The following PLD5 variants were observed in gnomAD, a reference collection of about 807,000 sequenced individuals.
PLD5 encodes inactive phospholipase D5.
Under a neutral mutation model 61.1 loss-of-function variants are expected in PLD5, and 36 were observed. The observed-to-expected ratio is 0.59, with a 90% CI of 0.45 to 0.78. The LOEUF is 0.78. Ranked by LOEUF, PLD5 falls within the 30% of genes least tolerant of loss-of-function variation. The probability of loss-of-function intolerance (pLI) is 0.00; values close to 1 mark genes in which losing one functional copy is unlikely to be tolerated. For missense variants in PLD5, 515 were observed against 644.4 expected (o/e 0.80, Z 2.17); for synonymous variants, 243 against 242.8 (o/e 1.00, Z -0.01).
intron 1 of PLD5, among the ~76,000 whole-genome samples, chr1:242,479,452 T>C (rs1476072089): frequency 6.6e-6 from 1 of 152,202 alleles, no homozygotes. Context: ...ATACATGATT[T>C]AGGATAATCT....
At chr1:242,186,879 C>A (rs1378969669) in intron 5 of PLD5, among the ~76,000 whole-genome samples, 1 of 152,164 alleles carries the variant, frequency 6.6e-6, no homozygotes. Context: ...AATAAGCAAA[C>A]AAACACCTCA....
chr1:242,454,901 T>C (rs1199358873), intron 1 of PLD5, among the ~76,000 whole-genome samples: 1 of 152,222 alleles, frequency 6.6e-6, no homozygotes, highest in African/African-American at 2.4e-5. Flanking sequence ...GGACCATCTA[T>C]TTCTTTTCTT....
At chr1:242,110,909 A>G (rs1661434863) in intron 7 of PLD5, among the ~76,000 whole-genome samples, 1 of 152,220 alleles carries the variant, frequency 6.6e-6, no homozygotes, top group African/African-American at 2.4e-5. Context: ...ATTCCTTTAC[A>G]CATTTACTAA....
intron 1 of PLD5, among the ~76,000 whole-genome samples, chr1:242,363,801 A>G (rs1156621290): frequency 6.6e-6 from 1 of 152,224 alleles, no homozygotes; most frequent in African/African-American, 2.4e-5. Context: ...ATATAAAAAA[A>G]GACACACATC....
chr1:242,163,635 CCATT>C (rs1252817062), intron 5 of PLD5, among the ~76,000 whole-genome samples: 21 of 152,172 alleles, frequency 1.4e-4, no homozygotes, highest in Admixed American at 1.4e-3. Context: ...TCACTGCTGT[CCATT>C]CATTCTATCT....
At chr1:242,331,678 A>G (rs1436862742) in intron 2 of PLD5, among the ~76,000 whole-genome samples, 2 of 152,232 alleles carry the variant, frequency 1.3e-5, no homozygotes, top group African/African-American at 4.8e-5. Context: ...TGATTCACAC[A>G]TAAATTGAGT....
chr1:242,169,705 C>T (rs568264909), intron 5 of PLD5, among the ~76,000 whole-genome samples: 115 of 150,004 alleles, frequency 7.7e-4, no homozygotes, highest in African/African-American at 2.8e-3. Flanking sequence ...GCCAGCACAG[C>T]AGCAGTCTGA....
In PLD5 at chr1:242,178,974, G is replaced by A. The variant is rs150471401; in HGVS notation, c.735+41014C>T. On this transcript the variant is annotated intron_variant, in intron 5 of 9. Transcript: ENST00000536534. ...GAAATTACCCAGGGAACACGTAGAC[G>A]GTTGCCAAGGGGGAGCTGAATATTC... Among the ~76,000 whole-genome samples the A allele has an allele frequency of 9.8e-4, 150 of 152,302 alleles. 1 individual carries two copies. The highest frequency in any genetic ancestry group is 3.3e-3 in the African/African-American group (137 of 41,572).
intron 5 of PLD5, among the ~76,000 whole-genome samples, chr1:242,186,531 T>C (rs1358507248): frequency 6.6e-6 from 1 of 152,124 alleles, no homozygotes; most frequent in Non-Finnish European, 1.5e-5. Context: ...AAAAAAGGTA[T>C]AGTCACTGGC....
At chr1:242,115,103 G>A (rs928241150) in intron 6 of PLD5, among the ~76,000 whole-genome samples, 7 of 152,008 alleles carry the variant, frequency 4.6e-5, no homozygotes, top group Non-Finnish European at 8.8e-5. Context: ...GCTTGAACCC[G>A]GGAGGCAGAG....
intron 8 of PLD5, among the ~76,000 whole-genome samples, chr1:242,101,794 C>T (rs1395730078): frequency 1.3e-5 from 2 of 152,096 alleles, no homozygotes; most frequent in African/African-American, 2.4e-5. Flanking sequence ...CGTGGTAGAA[C>T]GGTGATAAAC....
intron 8 of PLD5, 95 bp from the exon 9 acceptor site, chr1:242,100,877 T>C: frequency 1.3e-6 from 1 of 778,768 alleles, no homozygotes; most frequent in South Asian, 1.6e-5. Context: ...ATGTCAACAA[T>C]AGACCTCAAG....
Position 242,148,858 on chromosome 1 carries a change from G to A in PLD5, c.736-24193C>T, listed in dbSNP as rs528944616. Among the ~76,000 whole-genome samples, 8 of 151,864 alleles carry A rather than the reference G, an allele frequency of 5.3e-5. No homozygotes were observed. The East Asian group carries it at 5.8e-4, about 11-fold the overall frequency. ...TCTACATACAGAAACATTAATTTTT[G>A]TATACTGATCTTATATCATAAAACT... On this transcript the variant is annotated intron_variant, in intron 5 of 9. Coordinates refer to ENST00000536534, the MANE Select transcript of PLD5 (RefSeq NM_001372062.1).
At chr1:242,249,397 T>C (rs1672578757) in intron 4 of PLD5, among the ~76,000 whole-genome samples, 1 of 152,200 alleles carries the variant, frequency 6.6e-6, no homozygotes, top group Admixed American at 6.5e-5. Context: ...CTTTATAAAT[T>C]ATCCAGTCTC....
chr1:242,290,435 G>A (rs1216864154), intron 2 of PLD5, among the ~76,000 whole-genome samples: 5 of 152,076 alleles, frequency 3.3e-5, no homozygotes, highest in African/African-American at 1.2e-4. Context: ...GTTACGGTAG[G>A]AGCTTGTGAT....
intron 1 of PLD5, among the ~76,000 whole-genome samples, chr1:242,352,995 T>G (rs548530087): frequency 6.6e-6 from 1 of 152,340 alleles, no homozygotes; most frequent in East Asian, 1.9e-4. Context: ...GGTTGTGTCT[T>G]CACTCTGCTA....
At chr1:242,267,929 A>G (rs1429481343) in intron 3 of PLD5, among the ~76,000 whole-genome samples, 2 of 151,576 alleles carry the variant, frequency 1.3e-5, no homozygotes, top group Non-Finnish European at 2.9e-5. Context: ...AGGGAGGGTG[A>G]GAGAAAGAGA....
intron 1 of PLD5, among the ~76,000 whole-genome samples, chr1:242,485,644 G>A (rs1178662641): frequency 6.6e-6 from 1 of 152,160 alleles, no homozygotes; most frequent in East Asian, 1.9e-4. Flanking sequence ...ACTGCCCAAG[G>A]TAATTTATAG....
At position 242,114,023 on chromosome 1, in the gene PLD5, A is replaced by G; in HGVS notation, c.937T>C (p.Ser313Pro). The G allele has an allele frequency of 6.2e-7, 1 of 1,612,094 alleles. No individual in the cohort carries two copies. Among genetic ancestry groups the G allele is most frequent in the Non-Finnish European group, 8.5e-7 (1 of 1,179,282 alleles). ...TTTTTAGGGCAAAAGAGTTTTGGAG[A>G]ATTCTGTGAAGACACAAAAGCCAAA... Reference protein sequence around the residue: ...ETKSQAFVSNSPKLFCPKNRS... With the variant: ...ETKSQAFVSNPPKLFCPKNRS... Residue 313 changes from serine (S) to proline (P), a missense_variant, in exon 7 of 10, where the codon TCT (serine) becomes CCT (proline). By Grantham distance (74) the Ser-to-Pro change is moderately conservative. This residue lies in a region of PLD5 where 450 missense variants were observed against 598.1 expected (regional missense o/e 0.75). Transcript: ENST00000536534.
Sources: gnomAD v4.1 joint callset for allele counts (sites outside exome capture counted in the v4.1 genomes callset) on GRCh38, gnomAD v4.1.1 for gene constraint, gnomAD v4.1.1 regional missense constraint, MANE v1.5 for transcripts, NCBI Gene and HGNC (gene_info 2026-07-23, HGNC 2026-07-21) for gene names.